Variants in NPIPA1 observed in about 807,000 individuals in gnomAD.
NPIPA1 encodes nuclear pore complex-interacting protein family member A1.
For missense variants in NPIPA1, 22 were observed against 232.2 expected, an observed-to-expected ratio of 0.09 and a Z score of 5.88; for synonymous variants, 7 against 88.0, an observed-to-expected ratio of 0.08 and a Z score of 5.15.
At chr16:14,947,145 A>T in intron 4 of NPIPA1, among the ~76,000 whole-genome samples, 1 of 152,264 alleles carries the variant, frequency 6.6e-6, no homozygotes, top group Non-Finnish European at 1.5e-5. Flanking sequence ...TCACCTCCAG[A>T]TTCATTTTCA....
chr16:14,943,998 A>C (rs1965816567), intron 2 of NPIPA1, among the ~76,000 whole-genome samples: 1 of 152,100 alleles, frequency 6.6e-6, no homozygotes, highest in Non-Finnish European at 1.5e-5. Flanking sequence ...AAAAGACAAA[A>C]ATTAGCCAGG....
At chr16:14,947,880 C>G (rs1486817167) in intron 4 of NPIPA1, among the ~76,000 whole-genome samples, 1 of 151,752 alleles carries the variant, frequency 6.6e-6, no homozygotes, top group Non-Finnish European at 1.5e-5. Flanking sequence ...TTGCATTAAA[C>G]TGTGAGCTTC....
chr16:14,947,099 C>T (rs1379385998), intron 4 of NPIPA1, among the ~76,000 whole-genome samples: 6 of 152,348 alleles, frequency 3.9e-5, no homozygotes, highest in African/African-American at 7.2e-5. Context: ...TGTGAGCCAC[C>T]GCACCCAGCC....
chr16:14,945,227 G>GTTGT (rs748459839), intron 2 of NPIPA1, among the ~76,000 whole-genome samples: 26,171 of 133,548 alleles, frequency 0.2, 579 homozygotes, highest in East Asian at 0.3. Flanking sequence ...ATTCTTGTGT[G>GTTGT]GTGTGTGTGT....
intron 1 of NPIPA1, among the ~76,000 whole-genome samples, chr16:14,938,833 G>T (rs1965687993): frequency 6.6e-6 from 1 of 151,744 alleles, no homozygotes; most frequent in African/African-American, 2.4e-5. Flanking sequence ...CCGCTTCCGG[G>T]GTTCAAGCAA....
intron 4 of NPIPA1, among the ~76,000 whole-genome samples, chr16:14,946,217 C>CTT (rs1376130403): frequency 9.4e-6 from 1 of 106,058 alleles, no homozygotes; most frequent in African/African-American, 3.8e-5. Flanking sequence ...ATTGGTTTTC[C>CTT]TTTCTCTCTC....
intron 1 of NPIPA1, among the ~76,000 whole-genome samples, chr16:14,939,107 AT>A (rs1472564291): frequency 7.2e-6 from 1 of 138,528 alleles, no homozygotes; most frequent in Admixed American, 7.4e-5. Flanking sequence ...GATCTACATT[AT>A]TTTATTTATT....
At chr16:14,946,688 A>ATTTT (rs57059259) in intron 4 of NPIPA1, among the ~76,000 whole-genome samples, 3 of 89,942 alleles carry the variant, frequency 3.3e-5, no homozygotes, top group South Asian at 3.8e-4. Flanking sequence ...CATTCGGCCA[A>ATTTT]TTTTTTTTTT....
chr16:14,941,107 GAC>G (rs1309077257), intron 1 of NPIPA1, among the ~76,000 whole-genome samples: 13 of 151,690 alleles, frequency 8.6e-5, no homozygotes, highest in Admixed American at 7.9e-4. Context: ...CAGCCTGGGT[GAC>G]AGAGTGAGAC....
intron 2 of NPIPA1, among the ~76,000 whole-genome samples, chr16:14,945,230 GTGTGT>G (rs1567575387): frequency 6.9e-5 from 9 of 131,374 alleles, no homozygotes; most frequent in African/African-American, 2.4e-4. Flanking sequence ...CTTGTGTGGT[GTGTGT>G]GTGTGTGTGT....
At chr16:14,943,114 C>G (rs1159568296) in intron 2 of NPIPA1, among the ~76,000 whole-genome samples, 3 of 150,722 alleles carry the variant, frequency 2.0e-5, no homozygotes, top group Non-Finnish European at 2.9e-5. Flanking sequence ...TAGTCCTGAA[C>G]AGAGAATTTT....
chr16:14,943,804 T>A (rs866705840), intron 2 of NPIPA1, among the ~76,000 whole-genome samples: 7 of 152,176 alleles, frequency 4.6e-5, no homozygotes, highest in Admixed American at 2.0e-4. Flanking sequence ...TTTTTTTTTT[T>A]ATCCTATGTG....
At chr16:14,944,895 C>T (rs1271502337) in intron 2 of NPIPA1, among the ~76,000 whole-genome samples, 21 of 151,292 alleles carry the variant, frequency 1.4e-4, no homozygotes, top group African/African-American at 5.1e-4. Context: ...TGAGCTACCG[C>T]ACCTGGCCTA....
chr16:14,947,777 G>A (rs1250223732), intron 4 of NPIPA1, among the ~76,000 whole-genome samples: 1 of 152,246 alleles, frequency 6.6e-6, no homozygotes, highest in Non-Finnish European at 1.5e-5. Flanking sequence ...CTCAAGAGTA[G>A]AATGCTTCCT....
intron 4 of NPIPA1, among the ~76,000 whole-genome samples, chr16:14,948,037 G>A (rs79357520): frequency 0.032 from 4,362 of 138,110 alleles, 31 homozygotes; most frequent in Admixed American, 0.065. Flanking sequence ...AAGTGTTTTC[G>A]TCCCTGTTTC....
intron 4 of NPIPA1, among the ~76,000 whole-genome samples, chr16:14,946,872 T>G (rs1412596507): frequency 6.6e-6 from 1 of 152,142 alleles, no homozygotes; most frequent in African/African-American, 2.4e-5. Flanking sequence ...TTTTTGTATT[T>G]TTAGTAGAGG....
At chr16:14,947,100 G>A (rs1466605723) in intron 4 of NPIPA1, among the ~76,000 whole-genome samples, 14 of 152,216 alleles carry the variant, frequency 9.2e-5, no homozygotes, top group Admixed American at 5.2e-4. Flanking sequence ...GTGAGCCACC[G>A]CACCCAGCCT....
intron 1 of NPIPA1, chr16:14,941,483 T>C (rs1184932688): frequency 4.8e-6 from 1 of 209,048 alleles, no homozygotes; most frequent in Non-Finnish European, 9.1e-6. Context: ...TCATCAGCTA[T>C]TGTTAGTGTT....
intron 1 of NPIPA1, among the ~76,000 whole-genome samples, chr16:14,940,465 T>G (rs1399810959): frequency 6.6e-6 from 1 of 151,324 alleles, no homozygotes; most frequent in Non-Finnish European, 1.5e-5. Context: ...TGCCAGCACT[T>G]TGGGAGGCCG....
Sources: allele counts gnomAD v4.1 joint callset (sites outside exome capture counted in the v4.1 genomes callset), GRCh38; gene constraint gnomAD v4.1.1; transcripts MANE v1.5; gene names NCBI Gene and HGNC (gene_info 2026-07-23, HGNC 2026-07-21).